The following CHUK variants were observed in gnomAD, a reference collection of about 807,000 sequenced individuals.
The protein encoded by CHUK is component of inhibitor of nuclear factor kappa B kinase complex.
Under a neutral mutation model 104.8 loss-of-function variants are expected in CHUK, and 35 were observed. That is an observed-to-expected ratio of 0.33 (90% CI 0.26 to 0.44). The LOEUF (loss-of-function observed/expected upper bound fraction) is 0.44, where lower values mean the gene tolerates loss of function less well. Among genes scored for constraint, CHUK ranks in the 20% least tolerant of loss-of-function variants. CHUK has a pLI of 1.00. For missense variants in CHUK, 663 were observed against 902.7 expected, an observed-to-expected ratio of 0.73 and a Z score of 3.40; for synonymous variants, 276 against 291.9, an observed-to-expected ratio of 0.95 and a Z score of 0.56.
chr10:100,227,190 A>C (rs998452703), intron 1 of CHUK, among the ~76,000 whole-genome samples: 18 of 152,174 alleles, frequency 1.2e-4, no homozygotes, highest in African/African-American at 4.3e-4. Context: ...TCCTTAATTT[A>C]TATTTCATCA....
intron 1 of CHUK, among the ~76,000 whole-genome samples, chr10:100,228,035 A>G (rs1485119195): frequency 2.6e-5 from 4 of 152,218 alleles, no homozygotes; most frequent in Non-Finnish European, 5.9e-5. Flanking sequence ...GAGGAGCATT[A>G]TGATCATAGC....
At chr10:100,200,134 A>G (rs547980168) in intron 15 of CHUK, 114 bp from the exon 16 acceptor site, 1 of 822,682 alleles carries the variant, frequency 1.2e-6, no homozygotes, top group East Asian at 2.4e-5. Context: ...GCAAGTTCAT[A>G]TTGCCAACAA....
rs575257548 is a variant in CHUK, at chr10:100,192,051, G to C, written c.2109-1083C>G. On this transcript the variant is annotated intron_variant, in intron 19 of 20. Coordinates refer to ENST00000370397, the MANE Select transcript of CHUK (RefSeq NM_001278.5). ...GAGAACTGCTTGAATCTGGGAGGCG[G>C]AGGTTGCAATGAGCCAAGACTGTGC... Among the ~76,000 whole-genome samples, 25 of 152,322 alleles carry C rather than the reference G, an allele frequency of 1.6e-4. 1 individual carries two copies. In the South Asian group the frequency reaches 5.0e-3, roughly 30 times the overall value.
chr10:100,226,809 C>T (rs1421652599), intron 1 of CHUK, among the ~76,000 whole-genome samples: 1 of 152,060 alleles, frequency 6.6e-6, no homozygotes, highest in African/African-American at 2.4e-5. Context: ...TGTATGAATA[C>T]AGAGAGAAGA....
rs749299084 is a variant in CHUK, at chr10:100,194,512, T to G, written c.1739A>C (p.Tyr580Ser). ...QLKHRPSDHS[Y>S]SDSTEMVKII... is the part of the protein sequence containing the mutation. ...TTTCACCATCTCTGTGCTGTCACTG[T>G]AGGAGTGATCTATAAAAGACATCAG... is the stretch of plus-strand genomic sequence containing the variant. The change falls in exon 17 of 21, where the codon TAC (tyrosine) becomes TCC (serine). Residue 580 changes from tyrosine (Y) to serine (S), a missense_variant. By Grantham distance (144) the Tyr-to-Ser change is moderately radical. Around this residue, in one of 5 missense-constraint regions of CHUK, gnomAD observed 311 missense variants for 393.4 expected, o/e 0.79. Coordinates refer to ENST00000370397, the MANE Select transcript of CHUK (RefSeq NM_001278.5). 1 of 1,608,008 alleles carries G rather than the reference T, an allele frequency of 6.2e-7. No individual in the cohort carries two copies.
chr10:100,203,063 G>A (rs763099892), intron 13 of CHUK, among the ~76,000 whole-genome samples: 20 of 151,994 alleles, frequency 1.3e-4, no homozygotes, highest in Non-Finnish European at 2.2e-4. Context: ...GGCCAGAAAA[G>A]AAATTTAATA....
chr10:100,210,086 TA>T (rs1252586813), intron 9 of CHUK, among the ~76,000 whole-genome samples: 1,936 of 131,540 alleles, frequency 0.015, 40 homozygotes, highest in African/African-American at 0.052. Flanking sequence ...TTTATTTATT[TA>T]TTTATTTTTT....
At chr10:100,226,905 A>G (rs1038083109) in intron 1 of CHUK, among the ~76,000 whole-genome samples, 4 of 152,168 alleles carry the variant, frequency 2.6e-5, no homozygotes, top group Admixed American at 6.5e-5. Flanking sequence ...GGAGGGTGAG[A>G]GGAAAAAAGA....
intron 16 of CHUK, among the ~76,000 whole-genome samples, chr10:100,197,822 A>G (rs112152609): frequency 7.3e-4 from 111 of 152,308 alleles, no homozygotes; most frequent in African/African-American, 2.5e-3. Context: ...CAGGGAGTCC[A>G]AGGCCAGCCT....
At chr10:100,187,745 C>T (rs1845087996), downstream of CHUK, 1 of 152,344 alleles carries the variant, frequency 6.6e-6, no homozygotes, top group South Asian at 2.1e-4. Context: ...CTGACATAAC[C>T]CCAGCCACAC....
chr10:100,193,201 G>A, intron 19 of CHUK, 97 bp downstream of exon 19: 1 of 1,342,738 alleles, frequency 7.4e-7, no homozygotes, highest in Non-Finnish European at 1.1e-6. Context: ...ACTCAACCCT[G>A]GTCTGAAGGC....
At chr10:100,222,238 G>C (rs1345519408) in intron 3 of CHUK, 57 bp from the exon 4 acceptor site, 4 of 850,216 alleles carry the variant, frequency 4.7e-6, no homozygotes, top group South Asian at 1.4e-5. Flanking sequence ...CTGCAATAGT[G>C]ACCACACATT....
At position 100,205,141 on chromosome 10, in the gene CHUK, T is replaced by A; in HGVS notation, c.1290A>T (p.Ala430=). The change falls in exon 12 of 21, where the codon GCA becomes GCT. Residue 430 remains alanine (A), a synonymous_variant. Coordinates refer to ENST00000370397, the MANE Select transcript of CHUK (RefSeq NM_001278.5). ...IIQLRKVWAE[A]VHYVSGLKED... ...CTTTTAGTCCAGACACATAGTGCACTGCTTCAGCCCACACTTTACGCAGCT... is the reference window on the plus strand; with the variant it reads ...CTTTTAGTCCAGACACATAGTGCACAGCTTCAGCCCACACTTTACGCAGCT... The A allele has an allele frequency of 6.2e-7, 1 of 1,614,010 alleles. No homozygotes were observed. The highest frequency in any genetic ancestry group is 8.5e-7 in the Non-Finnish European group (1 of 1,179,838).
At chr10:100,217,919 T>C (rs1160469609) in intron 9 of CHUK, 76 bp downstream of exon 9, 1 of 1,328,436 alleles carries the variant, frequency 7.5e-7, no homozygotes, top group African/African-American at 1.5e-5. Flanking sequence ...ATTATTAAAC[T>C]GTATTTATGC....
chr10:100,188,010 G>A (rs1845108435), downstream of CHUK: 2 of 152,166 alleles, frequency 1.3e-5, no homozygotes, highest in Non-Finnish European at 2.9e-5. Flanking sequence ...GGAAACAAGA[G>A]AGAGACTGCC....
At chr10:100,209,566 T>A (rs1458079144) in intron 10 of CHUK, 29 bp downstream of exon 10, 1 of 1,378,116 alleles carries the variant, frequency 7.3e-7, no homozygotes, top group Admixed American at 1.7e-5. Flanking sequence ...TTTCACATAC[T>A]CTAGGGATAT....
At chr10:100,222,477 CA>C (rs779574155) in intron 3 of CHUK, among the ~76,000 whole-genome samples, 2 of 152,048 alleles carry the variant, frequency 1.3e-5, no homozygotes, top group Non-Finnish European at 2.9e-5. Flanking sequence ...AAAAAGATTG[CA>C]ATACAGAAAA....
At position 100,209,793 on chromosome 10, in the gene CHUK, TATAA is replaced by T. The variant is rs778623589; in HGVS notation, c.934-8_934-5del. ...TCATATTTAGGATGTGTACTATCTGTATAAATAAGAAAAAAAGGTAAAGTTATTG... is the reference window on the plus strand; with the variant it reads ...TCATATTTAGGATGTGTACTATCTGTATAAGAAAAAAAGGTAAAGTTATTG... On this transcript the variant is annotated splice_polypyrimidine_tract_variant and splice_region_variant and intron_variant, in intron 9 of 20. Coordinates refer to ENST00000370397, the MANE Select transcript of CHUK (RefSeq NM_001278.5). 8.0e-7 allele frequency: 1 copy of T among 1,249,000 alleles called. No individual in the cohort carries two copies. Among genetic ancestry groups the T allele is most frequent in the South Asian group, 1.2e-5 (1 of 81,866 alleles). 77.4% of individuals were successfully genotyped at this position (1,249,000 alleles called of 1,614,324 possible).
chr10:100,186,741 A>G (rs529044618), downstream of CHUK: 2 of 152,394 alleles, frequency 1.3e-5, no homozygotes, highest in South Asian at 4.1e-4. Flanking sequence ...ATTGCCAAAA[A>G]TAAAAAAGGG....
Sources: allele counts gnomAD v4.1 joint callset (sites outside exome capture counted in the v4.1 genomes callset), GRCh38; gene constraint gnomAD v4.1.1; regional missense constraint gnomAD v4.1.1; transcripts MANE v1.5; gene names NCBI Gene and HGNC (gene_info 2026-07-23, HGNC 2026-07-21).